MARK2: variants seen among roughly 807,000 people sequenced by gnomAD.
MARK2 encodes the protein microtubule affinity regulating kinase 2.
A neutral mutation model predicts 89.8 loss-of-function variants in MARK2; 16 were observed. The ratio of observed to expected loss-of-function variants is 0.18; its 90% CI spans 0.12 to 0.27. MARK2 has a LOEUF of 0.27. Ranked by LOEUF, MARK2 falls within the 10% of genes least tolerant of loss-of-function variation. The probability of loss-of-function intolerance (pLI) is 1.00; values close to 1 mark genes in which losing one functional copy is unlikely to be tolerated. For missense variants in MARK2, 621 were observed against 1,049.9 expected, an observed-to-expected ratio of 0.59 and a Z score of 5.65; for synonymous variants, 382 against 399.5, an observed-to-expected ratio of 0.96 and a Z score of 0.52.
In MARK2 at chr11:63,910,660, T is replaced by TTTA. The variant is rs1554990177; in HGVS notation, c.*1425_*1426insATT. 6 of 150,468 alleles carry TTTA rather than the reference T, an allele frequency of 4.0e-5. No homozygotes were observed. Among genetic ancestry groups the TTTA allele is most frequent in the Non-Finnish European group, 7.4e-5 (5 of 67,590 alleles). 9.3% of individuals were successfully genotyped at this position (150,468 alleles called of 1,614,324 possible). A position where few individuals can be genotyped will look rare whatever the true frequency, so the allele number is the denominator to read the frequency against. On this transcript the variant is annotated 3_prime_UTR_variant, in exon 19 of 19. Transcript: ENST00000402010. ...TTTTATTATTTTATTTTATTTTTTT[T>TTTA]TTTTTTGATTTATGATGACTCCACC...
intron 1 of MARK2, among the ~76,000 whole-genome samples, chr11:63,878,004 A>G (rs765724801): frequency 3.3e-5 from 5 of 152,220 alleles, no homozygotes; most frequent in Non-Finnish European, 7.3e-5. Flanking sequence ...GCCACTTAGT[A>G]ACAGGATCCG....
At chr11:63,864,947 T>C (rs1938044502) in intron 1 of MARK2, among the ~76,000 whole-genome samples, 1 of 152,136 alleles carries the variant, frequency 6.6e-6, no homozygotes, top group Non-Finnish European at 1.5e-5. Context: ...CCCAGGCTGC[T>C]GTAGTACAGT....
rs1361467693 is a variant in MARK2, at chr11:63,898,858, G to A, written c.474+25G>A. ...GGTAGGTGTGACTCCCTCCATAGGA[G>A]CTAGGCCTGACCTCTGCTTTTGGGG... On this transcript the variant is annotated intron_variant, in intron 6 of 18. Transcript: ENST00000402010. 7 of 1,604,900 alleles carry A rather than the reference G, an allele frequency of 4.4e-6. No individual in the cohort carries two copies. The South Asian group carries it at 6.6e-5, about 15-fold the overall frequency.
intron 18 of MARK2, 122 bp from the exon 19 acceptor site, chr11:63,908,755 G>A (rs1184313308): frequency 9.9e-6 from 10 of 1,008,312 alleles, no homozygotes; most frequent in South Asian, 2.4e-5. Context: ...CAGGGGCCAC[G>A]CCTGGCTGCT....
In MARK2 at chr11:63,902,513, G is replaced by GGCCA. The variant is rs1474234274; in HGVS notation, c.1235-84_1235-81dup. 9 of 1,432,894 alleles carry GGCCA rather than the reference G, an allele frequency of 6.3e-6. No individual in the cohort carries two copies. The highest frequency in any genetic ancestry group is 2.0e-4 in the Middle Eastern group (1 of 5,006). The allele number at this position is 1,432,894 out of a possible 1,614,324, so 88.8% of individuals were successfully genotyped here. The stretch of plus-strand genomic sequence containing the variant: ...TGGAATGGGGGCTTGCTGGGTTGTT[G>GGCCA]GCCAGCCCTGTAGGAAATGAGCATG... On this transcript the variant is annotated intron_variant, in intron 12 of 18. Transcript: ENST00000402010. This position sits in a 1 kb window ranked among gnomAD's most constrained non-coding sequence, Gnocchi z 4.2.
intron 1 of MARK2, among the ~76,000 whole-genome samples, chr11:63,877,737 G>A (rs1938852597): frequency 6.6e-6 from 1 of 152,112 alleles, no homozygotes; most frequent in Admixed American, 6.5e-5. Context: ...AATGGAAAAT[G>A]GCTGTCATCT....
In MARK2 at chr11:63,900,914, C is replaced by G. The variant is rs1327335269; in HGVS notation, c.988+35C>G. On this transcript the variant is annotated intron_variant, in intron 10 of 18. Transcript: ENST00000402010. This position sits in a 1 kb window ranked among gnomAD's most constrained non-coding sequence, Gnocchi z 4.7. ...TGCCGGGCTGTGAGGTTAAGCTTGC[C>G]TAGGAGTTGAGGCCAGTCTTAACTG... 1.9e-6 allele frequency: 3 copies of G among 1,612,448 alleles called. No homozygotes were observed. The Admixed American group carries it at 5.0e-5, about 27-fold the overall frequency.
intron 1 of MARK2, among the ~76,000 whole-genome samples, chr11:63,854,024 C>G (rs1433815017): frequency 6.6e-6 from 1 of 151,978 alleles, no homozygotes; most frequent in Non-Finnish European, 1.5e-5. Context: ...AGGCACCTGC[C>G]ACCACGCCTG....
rs549187371 is a variant in MARK2, at chr11:63,846,332, C to G, written c.54+6772C>G. Among the ~76,000 whole-genome samples, 185 of 151,918 alleles carry G rather than the reference C, an allele frequency of 1.2e-3. 1 individual carries two copies. Among genetic ancestry groups the G allele is most frequent in the African/African-American group, 4.2e-3 (175 of 41,448 alleles). On this transcript the variant is annotated intron_variant, in intron 1 of 18. Coordinates refer to ENST00000402010, the MANE Select transcript of MARK2 (RefSeq NM_001039469.3). The stretch of plus-strand genomic sequence containing the variant: ...AGGAGTTCAAGACCAGCCTGAGCAA[C>G]ATAGTGAGACCTCATTTCTACAAAA...
intron 1 of MARK2, among the ~76,000 whole-genome samples, chr11:63,870,590 G>C (rs1307067963): frequency 2.0e-5 from 3 of 152,142 alleles, no homozygotes; most frequent in African/African-American, 7.2e-5. Context: ...GACACGAAGT[G>C]ATTTAGTCTT....
chr11:63,883,346 G>A (rs1255490548), intron 1 of MARK2, among the ~76,000 whole-genome samples: 2 of 152,140 alleles, frequency 1.3e-5, no homozygotes, highest in Non-Finnish European at 2.9e-5. Flanking sequence ...CCCAGCCATG[G>A]CAGAATTTGA....
At position 63,839,524 on chromosome 11, in the gene MARK2, C is replaced by T. The variant is rs2015893339; in HGVS notation, c.18C>T (p.Thr6=). MSSAR[T]PLPTLNERDT... ...CCGGCGCCATGTCCAGCGCTCGGAC[C>T]CCCCTACCCACGCTGAACGAGAGGG... Residue 6 remains threonine, a synonymous_variant, in exon 1 of 19, where the codon ACC becomes ACT. Coordinates refer to ENST00000402010, the MANE Select transcript of MARK2 (RefSeq NM_001039469.3). 1.3e-6 allele frequency: 2 copies of T among 1,537,426 alleles called. No homozygotes were observed. Among genetic ancestry groups the T allele is most frequent in the South Asian group, 1.2e-5 (1 of 83,038 alleles).
At position 63,865,989 on chromosome 11, in the gene MARK2, G is replaced by A. The variant is rs183054063; in HGVS notation, c.54+26429G>A. 2.7e-3 allele frequency among the ~76,000 whole-genome samples: 411 copies of A among 152,232 alleles called. 4 individuals are homozygous for A. Among genetic ancestry groups the A allele is most frequent in the African/African-American group, 9.6e-3 (398 of 41,532 alleles). On this transcript the variant is annotated intron_variant, in intron 1 of 18. Transcript: ENST00000402010. Reference sequence around the variant, plus strand: ...TGTCTCTTCTACCCTGCTCTCTGGTGCGTTCCTGTTCTGTTTGGTAGCACC... The same window carrying A: ...TGTCTCTTCTACCCTGCTCTCTGGTACGTTCCTGTTCTGTTTGGTAGCACC...
intron 1 of MARK2, among the ~76,000 whole-genome samples, chr11:63,853,486 A>G (rs2016677915): frequency 6.6e-6 from 1 of 152,252 alleles, no homozygotes; most frequent in Non-Finnish European, 1.5e-5. Flanking sequence ...GAGCAAATCT[A>G]TAGATGTGGC....
intron 17 of MARK2, 35 bp downstream of exon 17, chr11:63,906,149 G>GT (rs998007427): frequency 7.7e-7 from 1 of 1,293,640 alleles, no homozygotes; most frequent in Non-Finnish European, 9.9e-7. Context: ...GTGTGTGTGT[G>GT]TGTGTGTCTG....
At chr11:63,880,501 C>T (rs938390964) in intron 1 of MARK2, among the ~76,000 whole-genome samples, 1 of 152,116 alleles carries the variant, frequency 6.6e-6, no homozygotes, top group African/African-American at 2.4e-5. Flanking sequence ...AGTCACTGTC[C>T]GTCCCCAATT....
intron 2 of MARK2, 35 bp downstream of exon 2, chr11:63,895,373 C>T: frequency 6.3e-7 from 1 of 1,599,844 alleles, no homozygotes; most frequent in East Asian, 2.2e-5. Flanking sequence ...GCAGCACCTC[C>T]CAGCCCTGTT....
intron 1 of MARK2, among the ~76,000 whole-genome samples, chr11:63,877,819 C>T (rs372359706): frequency 3.9e-5 from 6 of 152,170 alleles, no homozygotes; most frequent in Non-Finnish European, 7.3e-5. Flanking sequence ...TTGTCATTGC[C>T]GCCAGTGAAT....
At chr11:63,841,447 C>A (rs59337858) in intron 1 of MARK2, among the ~76,000 whole-genome samples, 2,573 of 152,242 alleles carry the variant, frequency 0.017, 64 homozygotes, top group African/African-American at 0.056. Flanking sequence ...GGACAGGGGT[C>A]TTTGGAGACA....
Sources: gnomAD v4.1 joint callset for allele counts (sites outside exome capture counted in the v4.1 genomes callset) on GRCh38, gnomAD v4.1.1 for gene constraint, Gnocchi (gnomAD v3.1) non-coding constraint, MANE v1.5 for transcripts, NCBI Gene and HGNC (gene_info 2026-07-23, HGNC 2026-07-21) for gene names.